MGAT4C: variants seen among roughly 807,000 people sequenced by gnomAD.
The protein encoded by MGAT4C is alpha-1,3-mannosyl-glycoprotein 4-beta-N-acetylglucosaminyltransferase C.
Under a neutral mutation model 40.1 loss-of-function variants are expected in MGAT4C, and 19 were observed. The ratio of observed to expected loss-of-function variants is 0.47; its 90% confidence interval spans 0.33 to 0.70. The LOEUF (loss-of-function observed/expected upper bound fraction) is 0.70. Ranked by LOEUF, MGAT4C falls within the 30% of genes least tolerant of loss-of-function variation. MGAT4C has a pLI of 0.02. For synonymous variants in MGAT4C, 181 were observed against 187.1 expected (o/e 0.97, Z 0.27); for missense variants, 491 against 563.2 (o/e 0.87, Z 1.30).
chr12:86,587,788 A>G (rs1961126756), intron 2 of MGAT4C, among the ~76,000 whole-genome samples: 1 of 151,190 alleles, frequency 6.6e-6, no homozygotes, highest in African/African-American at 2.4e-5. Context: ...TGGTTTTTGT[A>G]CATTGATTTT....
At position 86,426,623 on chromosome 12, in the gene MGAT4C, G is replaced by C. The variant is rs186537667; in HGVS notation, c.-120+8534C>G. On this transcript the variant is annotated intron_variant, in intron 3 of 7. Coordinates refer to the MGAT4C transcript ENST00000548651. The stretch of plus-strand genomic sequence containing the variant: ...GCTCCAAATGCATACTCCATTCAGT[G>C]CTATATAAAGACATGACTACAAGTT... 1.4e-4 allele frequency among the ~76,000 whole-genome samples: 21 copies of C among 152,222 alleles called. No homozygotes were observed. The East Asian group carries it at 3.9e-3, about 28-fold the overall frequency.
At chr12:86,302,402 TTGG>T (rs58090663) in intron 4 of MGAT4C, among the ~76,000 whole-genome samples, 110,369 of 145,722 alleles carry the variant, frequency 0.76, 43,329 homozygotes, top group Non-Finnish European at 0.83. Context: ...GTTTGTTTGG[TTGG>T]TTGGTTGGTT....
chr12:86,782,379 C>T (rs1951862180), intron 1 of MGAT4C, among the ~76,000 whole-genome samples: 2 of 151,802 alleles, frequency 1.3e-5, no homozygotes, highest in South Asian at 4.2e-4. Flanking sequence ...GACAGGGTTT[C>T]ACCATGTTAG....
At chr12:86,338,990 A>G (rs942852614) in intron 3 of MGAT4C, among the ~76,000 whole-genome samples, 13 of 148,950 alleles carry the variant, frequency 8.7e-5, no homozygotes, top group Non-Finnish European at 1.8e-4. Context: ...AAACAGAGAG[A>G]AAGAGAGAAA....
chr12:86,711,301 A>G (rs529519722), intron 2 of MGAT4C, among the ~76,000 whole-genome samples: 1 of 152,272 alleles, frequency 6.6e-6, no homozygotes, highest in South Asian at 2.1e-4. Flanking sequence ...TCTAAGGTAA[A>G]GTCTGTACCT....
chr12:86,593,474 T>C (rs542995597), intron 2 of MGAT4C, among the ~76,000 whole-genome samples: 2 of 152,248 alleles, frequency 1.3e-5, no homozygotes, highest in South Asian at 2.1e-4. Context: ...GGTTGTGGAT[T>C]TGAGATCCTT....
At chr12:86,675,852 G>A (rs78857078) in intron 2 of MGAT4C, among the ~76,000 whole-genome samples, 5,379 of 151,822 alleles carry the variant, frequency 0.035, 122 homozygotes, top group Middle Eastern at 0.055. Context: ...TTTGCATCTA[G>A]CTAATGTGAA....
intron 3 of MGAT4C, among the ~76,000 whole-genome samples, chr12:86,370,402 T>C (rs1438092813): frequency 6.6e-6 from 1 of 152,004 alleles, no homozygotes; most frequent in Non-Finnish European, 1.5e-5. Context: ...GTATATACGA[T>C]GTATGAGAAA....
intron 1 of MGAT4C, among the ~76,000 whole-genome samples, chr12:86,071,434 C>T (rs746034723): frequency 9.2e-5 from 14 of 151,958 alleles, no homozygotes; most frequent in Non-Finnish European, 1.9e-4. Flanking sequence ...TGGCTTATAA[C>T]AGTATTGTTT....
intron 2 of MGAT4C, among the ~76,000 whole-genome samples, chr12:86,666,365 T>C (rs1964106297): frequency 6.6e-6 from 1 of 152,144 alleles, no homozygotes; most frequent in Admixed American, 6.5e-5. Flanking sequence ...CCTCTTCTAA[T>C]GTAATCTAGT....
At chr12:86,768,371 T>C (rs1033328475) in intron 1 of MGAT4C, among the ~76,000 whole-genome samples, 1 of 151,912 alleles carries the variant, frequency 6.6e-6, no homozygotes, top group Non-Finnish European at 1.5e-5. Context: ...TAAAAGAGGA[T>C]ACAAACAAAT....
intron 2 of MGAT4C, among the ~76,000 whole-genome samples, chr12:86,490,213 A>T (rs1004220992): frequency 6.6e-6 from 1 of 152,182 alleles, no homozygotes; most frequent in East Asian, 1.9e-4. Flanking sequence ...CGTCAGACTA[A>T]CAGCGGATCT....
At chr12:86,040,703 C>T (rs769227944) in intron 2 of MGAT4C, among the ~76,000 whole-genome samples, 2 of 150,726 alleles carry the variant, frequency 1.3e-5, no homozygotes, top group Non-Finnish European at 2.9e-5. Context: ...CTGGGCACCA[C>T]TGGGGTATGG....
intron 3 of MGAT4C, among the ~76,000 whole-genome samples, chr12:86,419,228 C>A (rs531007594): frequency 7.2e-5 from 11 of 152,014 alleles, no homozygotes; most frequent in African/African-American, 2.7e-4. Context: ...ATTTCTTATA[C>A]CTAAATTAAG....
chr12:86,077,635 C>T (rs898626723), intron 1 of MGAT4C, among the ~76,000 whole-genome samples: 1 of 152,190 alleles, frequency 6.6e-6, no homozygotes, highest in Non-Finnish European at 1.5e-5. Context: ...GCAAGCACCT[C>T]AGCAGGTCAT....
At chr12:86,176,409 A>T (rs948023565) in intron 1 of MGAT4C, among the ~76,000 whole-genome samples, 2 of 152,156 alleles carry the variant, frequency 1.3e-5, no homozygotes, top group Non-Finnish European at 2.9e-5. Context: ...ACTTTCGCAT[A>T]TGTAAGGGAG....
intron 4 of MGAT4C, among the ~76,000 whole-genome samples, chr12:86,325,304 C>G (rs1191937688): frequency 6.6e-6 from 1 of 152,090 alleles, no homozygotes; most frequent in Non-Finnish European, 1.5e-5. Flanking sequence ...ATTAAGTTCT[C>G]ATTAATCATT....
chr12:86,129,946 T>C (rs188740122), intron 1 of MGAT4C, among the ~76,000 whole-genome samples: 1 of 152,266 alleles, frequency 6.6e-6, no homozygotes, highest in East Asian at 1.9e-4. Context: ...GTGTGAAAAA[T>C]GCCTGAGACA....
chr12:86,109,926 G>T (rs938014716), intron 1 of MGAT4C, among the ~76,000 whole-genome samples: 1 of 151,776 alleles, frequency 6.6e-6, no homozygotes, highest in African/African-American at 2.4e-5. Context: ...AATGAGCCTA[G>T]GATGAAAAAA....
Sources: allele counts gnomAD v4.1 joint callset (sites outside exome capture counted in the v4.1 genomes callset), GRCh38; gene constraint gnomAD v4.1.1; transcripts MANE v1.5; gene names NCBI Gene and HGNC (gene_info 2026-07-23, HGNC 2026-07-21).